The following CSPG5 variants were observed in gnomAD, a reference collection of about 807,000 sequenced individuals.
CSPG5 encodes chondroitin sulfate proteoglycan 5, also known as acidic leucine-rich EGF-like domain-containing brain protein.
In CSPG5, 25 loss-of-function variants were observed where a neutral mutation model predicts 39.8. The ratio of observed to expected loss-of-function variants is 0.63; its 90% CI spans 0.46 to 0.88. CSPG5 has a LOEUF of 0.88. Ranked by LOEUF, CSPG5 falls within the 40% of genes least tolerant of loss-of-function variation. CSPG5 has a pLI of 0.00. For missense variants in CSPG5, 627 were observed against 702.2 expected, an observed-to-expected ratio of 0.89 and a Z score of 1.21; for synonymous variants, 295 against 303.9, an observed-to-expected ratio of 0.97 and a Z score of 0.31.
At chr3:47,564,830 G>C (rs954555909) in intron 4 of CSPG5, among the ~76,000 whole-genome samples, 1 of 151,976 alleles carries the variant, frequency 6.6e-6, no homozygotes, top group Non-Finnish European at 1.5e-5. Flanking sequence ...AGGGAGGTGG[G>C]GGTGAAGTAG....
intron 3 of CSPG5, among the ~76,000 whole-genome samples, chr3:47,571,619 G>A (rs1405363966): frequency 6.6e-6 from 1 of 152,252 alleles, no homozygotes; most frequent in Non-Finnish European, 1.5e-5. Flanking sequence ...AGGCTGCAGA[G>A]AGCTGCTGGC....
chr3:47,568,621 C>T (rs2031400279), intron 4 of CSPG5, among the ~76,000 whole-genome samples: 1 of 152,118 alleles, frequency 6.6e-6, no homozygotes, highest in African/African-American at 2.4e-5. Flanking sequence ...CATGAAATTC[C>T]CCAGCAGTGA....
chr3:47,577,109 T>C lies in CSPG5; in HGVS notation c.917A>G (p.Lys306Arg). 6.2e-7 allele frequency: 1 copy of C among 1,613,918 alleles called. No individual in the cohort carries two copies. The highest frequency in any genetic ancestry group is 1.1e-5 in the South Asian group (1 of 91,086). ...DENELLVPTG[K>R]PGLGPGTGQP... ...GCCTGTCCCGGGCCCCAGACCAGGC[T>C]TCCCAGTGGGCACTAGAAGCTCATT... The change falls in exon 2 of 5, where the codon AAG becomes AGG. Residue 306 changes from lysine to arginine, a missense_variant. Coordinates refer to ENST00000264723, the MANE Select transcript of CSPG5 (RefSeq NM_006574.4). This position sits in a 1 kb window ranked among gnomAD's most constrained non-coding sequence, Gnocchi z 4.7.
In CSPG5 at chr3:47,575,554, G is replaced by T. The variant is rs146843913; in HGVS notation, c.1193+1279C>A. Among the ~76,000 whole-genome samples the T allele has an allele frequency of 3.7e-3, 557 of 152,306 alleles. 1 individual carries two copies. The highest frequency in any genetic ancestry group is 5.6e-3 in the Non-Finnish European group (380 of 68,026). On this transcript the variant is annotated intron_variant, in intron 2 of 4. Transcript: ENST00000264723. ...AAACTAAACTCTGAGTCTTTAAAAG[G>T]ATTATGGATTTGATATCCCAAGGTA...
upstream of CSPG5, chr3:47,579,283 C>T (rs2031909150): frequency 6.6e-6 from 1 of 152,360 alleles, no homozygotes; most frequent in East Asian, 1.9e-4. This position sits in a 1 kb window ranked among gnomAD's most constrained non-coding sequence, Gnocchi z 4.2. Flanking sequence ...AGCACGAGCC[C>T]CCACTGTGGA....
chr3:47,568,960 C>A, intron 4 of CSPG5, 192 bp downstream of exon 4: 1 of 1,028,110 alleles, frequency 9.7e-7, no homozygotes. Flanking sequence ...CTCAGTTGCC[C>A]TAGGCTGACC....
chr3:47,565,814 C>G (rs2108188927), intron 4 of CSPG5, among the ~76,000 whole-genome samples: 1 of 152,364 alleles, frequency 6.6e-6, no homozygotes, highest in Non-Finnish European at 1.5e-5. Flanking sequence ...TGAGGACCAT[C>G]AGGGCAGCCC....
chr3:47,575,599 AG>A (rs2031688465), intron 2 of CSPG5, among the ~76,000 whole-genome samples: 1 of 152,254 alleles, frequency 6.6e-6, no homozygotes, highest in Non-Finnish European at 1.5e-5. Flanking sequence ...CAAAGTAGAA[AG>A]AAAAAAGCCA....
At chr3:47,565,678 T>C (rs1035986335) in intron 4 of CSPG5, among the ~76,000 whole-genome samples, 2 of 105,796 alleles carry the variant, frequency 1.9e-5, no homozygotes, top group Non-Finnish European at 2.0e-5. Flanking sequence ...AAGAGTTAAA[T>C]AGGAAAAAAA....
chr3:47,578,670 GC>G lies in CSPG5; in HGVS notation c.23del (p.Gly8AlafsTer39), dbSNP rs1398507813. 8.4e-6 allele frequency: 9 copies of G among 1,076,754 alleles called. No individual in the cohort carries two copies. Among genetic ancestry groups the G allele is most frequent in the Non-Finnish European group, 1.0e-5 (9 of 880,872 alleles). The allele number at this position is 1,076,754 out of a possible 1,614,324, so 66.7% of individuals were successfully genotyped here. MGRAGGG[G>X]PGRGPPPLLL... is the part of the protein sequence containing the mutation. ...GCAGTGGCGGCGGCCCCCGGCCCGG[GC>G]CCCCGCCCCCGGCTCGCCCCATGGC... On this transcript the variant is annotated frameshift_variant, in exon 1 of 5. Coordinates refer to ENST00000264723, the MANE Select transcript of CSPG5 (RefSeq NM_006574.4). LOFTEE classifies it high-confidence loss of function. This position sits in a 1 kb window ranked among gnomAD's most constrained non-coding sequence, Gnocchi z 6.0.
chr3:47,562,552 C>T lies in CSPG5; in HGVS notation c.*48G>A, dbSNP rs760727816. The T allele has an allele frequency of 3.5e-6, 5 of 1,422,566 alleles. No individual in the cohort carries two copies. The South Asian group carries it at 4.8e-5, about 14-fold the overall frequency. The allele number at this position is 1,422,566 out of a possible 1,614,324, so 88.1% of individuals were successfully genotyped here. ...TGTACAAGAGGAGATAATGTTTCTT[C>T]CCCTACCCCCCACCCACTACCCCCG... On this transcript the variant is annotated 3_prime_UTR_variant, in exon 5 of 5. Transcript: ENST00000264723.
chr3:47,569,314 T>A, intron 3 of CSPG5, 87 bp from the exon 4 acceptor site: 1 of 1,422,566 alleles, frequency 7.0e-7, no homozygotes, highest in Non-Finnish European at 9.8e-7. Flanking sequence ...GATCAAATAC[T>A]GTATTTCGGC....
At chr3:47,568,306 T>C (rs555879109) in intron 4 of CSPG5, among the ~76,000 whole-genome samples, 5 of 152,380 alleles carry the variant, frequency 3.3e-5, no homozygotes, top group African/African-American at 1.2e-4. Context: ...GGTTTCTGCC[T>C]TGTTTTTGAA....
chr3:47,574,565 C>T (rs1445594556), intron 2 of CSPG5, among the ~76,000 whole-genome samples: 2 of 152,142 alleles, frequency 1.3e-5, no homozygotes, highest in African/African-American at 2.4e-5. Context: ...ATCATAGTAC[C>T]TCCTTCTGGC....
intron 3 of CSPG5, among the ~76,000 whole-genome samples, chr3:47,571,549 C>T (rs969315914): frequency 2.6e-5 from 4 of 151,872 alleles, no homozygotes; most frequent in Admixed American, 1.3e-4. Flanking sequence ...GTAGATGCAG[C>T]CCGCCTCAGT....
chr3:47,562,829 TTTCTATCTGG>T, intron 4 of CSPG5, 68 bp from the exon 5 acceptor site: 1 of 1,435,448 alleles, frequency 7.0e-7, no homozygotes, highest in Non-Finnish European at 9.4e-7. Context: ...ATATCAGCGT[TTTCTATCTGG>T]TTGAAGGAAG....
chr3:47,572,769 C>A lies in CSPG5; in HGVS notation c.1299G>T (p.Leu433=). The A allele has an allele frequency of 5.0e-6, 8 of 1,614,198 alleles. No individual in the cohort carries two copies. The African/African-American group carries it at 6.7e-5, about 13-fold the overall frequency. ...ACACCGTCATCATGAAGAGCAGGAG[C>A]AGGACGAGGGCAGCCGAGCCCACGG... is the stretch of plus-strand genomic sequence containing the variant. ...CVAVGSAALV[L]LLLFMMTVFF... is the part of the protein sequence containing the mutation. The change falls in exon 3 of 5, where the codon CTG becomes CTT. Residue 433 remains leucine (L), a synonymous_variant. Transcript: ENST00000264723. The surrounding 1 kb of genome is among the most constrained non-coding windows in gnomAD (Gnocchi z 4.5).
rs11456803 is a variant in CSPG5, at chr3:47,562,436, A to ATT, written c.*162_*163dup. ...TTCAGTTTCTTTGCTTATTTTAAGT[A>ATT]TTTTTTTGCCTCCTGTACAAAATAC... On this transcript the variant is annotated 3_prime_UTR_variant, in exon 5 of 5. Coordinates refer to ENST00000264723, the MANE Select transcript of CSPG5 (RefSeq NM_006574.4). The ATT allele has an allele frequency of 1.3e-4, 78 of 618,852 alleles. No individual in the cohort carries two copies. The highest frequency in any genetic ancestry group is 3.3e-4 in the Admixed American group (11 of 33,542). 38.3% of individuals were successfully genotyped at this position (618,852 alleles called of 1,614,324 possible).
chr3:47,578,550 G>C lies in CSPG5; in HGVS notation c.97+47C>G. On this transcript the variant is annotated intron_variant, in intron 1 of 4. Transcript: ENST00000264723. The surrounding 1 kb of genome is among the most constrained non-coding windows in gnomAD (Gnocchi z 6.0). ...CCGCCGCCAGCGGGACCCCTGCCCTGGGTGGGGCACGAGGGCCGCGGGGGT... is the reference window on the plus strand; with the variant it reads ...CCGCCGCCAGCGGGACCCCTGCCCTCGGTGGGGCACGAGGGCCGCGGGGGT... 1 of 672,504 alleles carries C rather than the reference G, an allele frequency of 1.5e-6. No individual in the cohort carries two copies. Among genetic ancestry groups the C allele is most frequent in the Non-Finnish European group, 2.0e-6 (1 of 502,224 alleles). The allele number at this position is 672,504 out of a possible 1,614,324, so 41.7% of individuals were successfully genotyped here.
Sources: gnomAD v4.1 joint callset for allele counts (sites outside exome capture counted in the v4.1 genomes callset) on GRCh38, gnomAD v4.1.1 for gene constraint, Gnocchi (gnomAD v3.1) non-coding constraint, MANE v1.5 for transcripts, NCBI Gene and HGNC (gene_info 2026-07-23, HGNC 2026-07-21) for gene names.